Variants in RHOBTB1 observed in about 807,000 individuals in gnomAD.
RHOBTB1 encodes rho-related BTB domain-containing protein 1.
In RHOBTB1, 40 loss-of-function variants were observed where a neutral mutation model predicts 71.6. The ratio of observed to expected loss-of-function variants is 0.56; its 90% CI spans 0.43 to 0.73. The LOEUF is 0.73. Ranked by LOEUF, RHOBTB1 falls within the 30% of genes least tolerant of loss-of-function variation. RHOBTB1 has a pLI of 0.00. For missense variants in RHOBTB1, 797 were observed against 894.0 expected (o/e 0.89, Z 1.38); for synonymous variants, 319 against 334.9 (o/e 0.95, Z 0.52).
At chr10:61,001,826 C>T (rs2087291349), upstream of RHOBTB1, among the ~76,000 whole-genome samples, 1 of 152,202 alleles carries the variant, frequency 6.6e-6, no homozygotes, top group African/African-American at 2.4e-5. Flanking sequence ...CCGCTCAGGG[C>T]CCGAGGGGCC....
Position 60,888,398 on chromosome 10 carries a change from C to T in RHOBTB1, c.1270G>A (p.Asp424Asn), listed in dbSNP as rs758056325. 6.2e-7 allele frequency: 1 copy of T among 1,614,200 alleles called. No individual in the cohort carries two copies. Among genetic ancestry groups the T allele is most frequent in the African/African-American group, 1.3e-5 (1 of 75,066 alleles). Residue 424 changes from aspartate (D) to asparagine (N), a missense_variant, in exon 6 of 11, where the codon GAT becomes AAT. By Grantham distance (23) the Asp-to-Asn change is conservative. Transcript: ENST00000337910. ...LLQFLYTGQL[D>N]EKEKDLVGLA... ...CCCACCAAATCCTTTTCCTTTTCATCCAGTTGTCCCGTATAAAGAAACTGG... is the reference window on the plus strand; with the variant it reads ...CCCACCAAATCCTTTTCCTTTTCATTCAGTTGTCCCGTATAAAGAAACTGG...
chr10:60,878,303 G>T (rs1450730763), intron 7 of RHOBTB1, among the ~76,000 whole-genome samples: 1 of 152,126 alleles, frequency 6.6e-6, no homozygotes, highest in African/African-American at 2.4e-5. Flanking sequence ...TGACTATTTG[G>T]ACTTCTAAAT....
chr10:60,973,604 G>A (rs1479418585), intron 2 of RHOBTB1, among the ~76,000 whole-genome samples: 1 of 152,024 alleles, frequency 6.6e-6, no homozygotes, highest in Non-Finnish European at 1.5e-5. Flanking sequence ...CTGAGATAAT[G>A]CCATCAGTAA....
rs530334536 is a variant in RHOBTB1 at position 60,959,724 on chromosome 10, G to C, written c.-61-17870C>G. ...CTTTGGAAAGACACTTTATCTCTCT[G>C]GGCCTGTTTCTGCAACTAAAAAATA... On this transcript the variant is annotated intron_variant, in intron 2 of 11. Coordinates refer to the RHOBTB1 transcript ENST00000357917. Among the ~76,000 whole-genome samples the C allele has an allele frequency of 8.8e-4, 134 of 152,134 alleles. 1 individual carries two copies. Among genetic ancestry groups the C allele is most frequent in the Middle Eastern group, 3.4e-3 (1 of 292 alleles).
chr10:60,888,941 T>A lies in RHOBTB1; in HGVS notation c.727A>T (p.Ile243Phe), dbSNP rs2081761567. Reference protein sequence around the residue: ...FLPPKAPPPVIKIPECPSMGT... With the variant: ...FLPPKAPPPVFKIPECPSMGT... ...ATGGAAGGACACTCTGGAATTTTGA[T>A]GACCGGTGGAGGGGCTTTTGGAGGT... Residue 243 changes from isoleucine to phenylalanine, a missense_variant, in exon 6 of 11, where the codon ATC (isoleucine) becomes TTC (phenylalanine). Transcript: ENST00000337910. The A allele has an allele frequency of 1.4e-5, 23 of 1,614,058 alleles. No individual in the cohort carries two copies. Among genetic ancestry groups the A allele is most frequent in the African/African-American group, 2.7e-5 (2 of 74,918 alleles).
intron 1 of RHOBTB1, among the ~76,000 whole-genome samples, chr10:60,991,785 G>A (rs577293764): frequency 2.6e-5 from 4 of 152,184 alleles, no homozygotes; most frequent in African/African-American, 9.6e-5. Flanking sequence ...ACTTCCCCAT[G>A]TAGCATGCCT....
chr10:60,927,814 C>T (rs2083979464), intron 2 of RHOBTB1, among the ~76,000 whole-genome samples: 1 of 152,024 alleles, frequency 6.6e-6, no homozygotes, highest in African/African-American at 2.4e-5. Context: ...ACAAAGATTT[C>T]CTGAGATCTC....
chr10:60,910,099 T>C lies in RHOBTB1; in HGVS notation c.296+788A>G, dbSNP rs147985775. Among the ~76,000 whole-genome samples the C allele has an allele frequency of 3.7e-4, 56 of 152,148 alleles. No homozygotes were observed. The East Asian group carries it at 0.011, about 29-fold the overall frequency. On this transcript the variant is annotated intron_variant, in intron 4 of 10. Coordinates refer to ENST00000337910, the MANE Select transcript of RHOBTB1 (RefSeq NM_014836.5). ...AAGAAGAGACAACAAGGCCATGATA[T>C]CTACGTTCTACACTGAAAATGAAAT... is the stretch of plus-strand genomic sequence containing the variant.
intron 2 of RHOBTB1, among the ~76,000 whole-genome samples, chr10:60,974,755 T>C (rs2134719042): frequency 6.6e-6 from 1 of 152,224 alleles, no homozygotes; most frequent in Admixed American, 6.5e-5. Context: ...TGAGTTTTAA[T>C]GTCACCTCTA....
At chr10:60,986,648 T>G (rs1298851376) in intron 1 of RHOBTB1, among the ~76,000 whole-genome samples, 1 of 151,902 alleles carries the variant, frequency 6.6e-6, no homozygotes, top group East Asian at 1.9e-4. Flanking sequence ...AAATTTTTCA[T>G]GTAAAACCTG....
intron 2 of RHOBTB1, among the ~76,000 whole-genome samples, chr10:60,985,347 A>C (rs1214116770): frequency 1.3e-5 from 2 of 152,150 alleles, no homozygotes; most frequent in Non-Finnish European, 2.9e-5. Flanking sequence ...ACTTGGGATG[A>C]CTCTAGTTCT....
chr10:60,862,691 CTT>C, the RHOBTB1 span, among the ~76,000 whole-genome samples: 13 of 144,430 alleles, frequency 9.0e-5, no homozygotes, highest in Non-Finnish European at 1.4e-4. Flanking sequence ...TTTACTTCCT[CTT>C]TCTTTTCTCT....
rs199608904 is a variant in RHOBTB1 at position 60,896,986 on chromosome 10, TC to T, written c.297-3992del. On this transcript the variant is annotated intron_variant, in intron 4 of 10. Transcript: ENST00000337910. ...AACAAACAAAAAAAAGCATTTTTTT[TC>T]AGTTATCTTTCGAGGGGAACACTGG... 2.3e-3 allele frequency among the ~76,000 whole-genome samples: 343 copies of T among 151,594 alleles called. 10 individuals are homozygous for T. The highest frequency in any genetic ancestry group is 0.015 in the East Asian group (75 of 5,140).
intron 1 of RHOBTB1, among the ~76,000 whole-genome samples, chr10:60,993,774 C>CTT: frequency 6.7e-6 from 1 of 148,778 alleles, no homozygotes; most frequent in African/African-American, 2.5e-5. Flanking sequence ...TATAGGTAGT[C>CTT]TTTTTTTTTT....
At chr10:60,884,828 G>C (rs780884233) in intron 7 of RHOBTB1, among the ~76,000 whole-genome samples, 5 of 152,150 alleles carry the variant, frequency 3.3e-5, no homozygotes, top group Non-Finnish European at 7.4e-5. Context: ...CCAGAGGCTG[G>C]GATTAGGGGG....
upstream of RHOBTB1, among the ~76,000 whole-genome samples, chr10:61,001,634 A>C (rs2135087014): frequency 1.3e-5 from 2 of 151,232 alleles, no homozygotes; most frequent in African/African-American, 4.8e-5. Context: ...GTCCCTCCAC[A>C]TCCTCGCGGC....
rs200321800 is a variant in RHOBTB1 at position 60,888,634 on chromosome 10, T to C, written c.1034A>G (p.Gln345Arg). 116 of 1,614,114 alleles carry C rather than the reference T, an allele frequency of 7.2e-5. No individual in the cohort carries two copies. Among genetic ancestry groups the C allele is most frequent in the Admixed American group, 3.3e-5 (2 of 60,010 alleles). ...CAGGCTCTTGTTTGAAGACTTCCAC[T>C]GGTCGGCCTGAGGAATCCTAGGCGG... ...EGPPRIPQAD[Q>R]WKSSNKSLVE... The change falls in exon 6 of 11, where the codon CAG (glutamine) becomes CGG (arginine). Residue 345 changes from glutamine (Q) to arginine (R), a missense_variant. This residue lies in a region of RHOBTB1 where 658 missense variants were observed against 681.5 expected (regional missense o/e 0.97). Transcript: ENST00000337910.
At chr10:60,928,306 C>T (rs953451632) in intron 2 of RHOBTB1, among the ~76,000 whole-genome samples, 2 of 148,216 alleles carry the variant, frequency 1.3e-5, no homozygotes, top group African/African-American at 5.0e-5. Flanking sequence ...GCCAGTAATC[C>T]CACTGATGGG....
intron 2 of RHOBTB1, among the ~76,000 whole-genome samples, chr10:60,966,130 T>C (rs753399429): frequency 6.6e-6 from 1 of 152,120 alleles, no homozygotes; most frequent in Non-Finnish European, 1.5e-5. Context: ...AAAGGAATAA[T>C]GTCTTGAAAA....
Sources: gnomAD v4.1 joint callset for allele counts (sites outside exome capture counted in the v4.1 genomes callset) on GRCh38, gnomAD v4.1.1 for gene constraint, gnomAD v4.1.1 regional missense constraint, MANE v1.5 for transcripts, NCBI Gene and HGNC (gene_info 2026-07-23, HGNC 2026-07-21) for gene names.